The following ZNF333 variants were observed in gnomAD, a reference collection of about 807,000 sequenced individuals.
ZNF333 encodes the protein zinc finger protein 333.
A neutral mutation model predicts 76.1 loss-of-function variants in ZNF333; 61 were observed. The observed-to-expected ratio is 0.80, with a 90% CI of 0.65 to 0.99. The LOEUF (loss-of-function observed/expected upper bound fraction) is 0.99, where lower values mean the gene tolerates loss of function less well. ZNF333 is among the 50% of genes least tolerant of loss of function. The pLI is 0.00. For missense variants in ZNF333, 717 were observed against 822.4 expected, an observed-to-expected ratio of 0.87 and a Z score of 1.57; for synonymous variants, 284 against 305.0, an observed-to-expected ratio of 0.93 and a Z score of 0.72.
At chr19:14,714,481 C>T (rs536283465) in intron 7 of ZNF333, among the ~76,000 whole-genome samples, 3 of 152,300 alleles carry the variant, frequency 2.0e-5, no homozygotes, top group East Asian at 3.9e-4. Flanking sequence ...CTTCTCAGAG[C>T]GTCAGAGGAG....
intron 5 of ZNF333, chr19:14,701,555 T>C: frequency 1.0e-6 from 1 of 985,154 alleles, no homozygotes. Context: ...GTTCCCATCC[T>C]CCACCTCCAT....
chr19:14,706,874 C>A, intron 7 of ZNF333, 101 bp downstream of exon 7: 1 of 984,816 alleles, frequency 1.0e-6, no homozygotes, highest in Non-Finnish European at 1.5e-6. Flanking sequence ...CCTCTGACTG[C>A]AGGCACTGCC....
chr19:14,699,155 ATTTC>A, intron 4 of ZNF333, 40 bp from the exon 5 acceptor site: 1 of 1,438,322 alleles, frequency 7.0e-7, no homozygotes, highest in Non-Finnish European at 9.8e-7. Context: ...TAATGTCACT[ATTTC>A]TTTCTGAAAG....
At chr19:14,697,971 A>C (rs2146958249) in intron 4 of ZNF333, among the ~76,000 whole-genome samples, 1 of 152,216 alleles carries the variant, frequency 6.6e-6, no homozygotes, top group East Asian at 1.9e-4. Context: ...GTCCTCATAG[A>C]ATTCTTAGCT....
intron 6 of ZNF333, 195 bp from the exon 7 acceptor site, chr19:14,706,491 C>A (rs906005062): frequency 1.5e-5 from 9 of 594,768 alleles, no homozygotes; most frequent in Non-Finnish European, 2.1e-5. Flanking sequence ...TCTCTCCAGG[C>A]CATTTTGGAT....
chr19:14,720,671 A>G lies in ZNF333; in HGVS notation c.*1346A>G, dbSNP rs977291817. On this transcript the variant is annotated 3_prime_UTR_variant, in exon 12 of 12. Transcript: ENST00000292530. ...ATAATTCCTAACTGATGCACTTAGTATATGTCAGTTTTTATAAATGCTTCA... is the reference window on the plus strand; with the variant it reads ...ATAATTCCTAACTGATGCACTTAGTGTATGTCAGTTTTTATAAATGCTTCA... 1 of 985,274 alleles carries G rather than the reference A, an allele frequency of 1.0e-6. No homozygotes were observed. The highest frequency in any genetic ancestry group is 1.1e-4 in the East Asian group (1 of 8,830). 61.0% of individuals were successfully genotyped at this position (985,274 alleles called of 1,614,324 possible).
chr19:14,718,076 T>C (rs549763133), intron 11 of ZNF333, 152 bp from the exon 12 acceptor site: 1 of 1,101,136 alleles, frequency 9.1e-7, no homozygotes, highest in Non-Finnish European at 1.3e-6. Flanking sequence ...CCTATTCCAC[T>C]TGAAGGAACT....
downstream of ZNF333, among the ~76,000 whole-genome samples, chr19:14,726,860 C>T (rs2042635806): frequency 6.6e-6 from 1 of 152,138 alleles, no homozygotes; most frequent in African/African-American, 2.4e-5. Flanking sequence ...TCCAAACTTT[C>T]TCTCATATTC....
intron 5 of ZNF333, 164 bp downstream of exon 5, chr19:14,699,445 A>C: frequency 1.7e-6 from 1 of 602,034 alleles, no homozygotes; most frequent in Non-Finnish European, 2.9e-6. Flanking sequence ...ATTTGGGCAA[A>C]CCCAGACTGT....
chr19:14,718,527 G>T lies in ZNF333; in HGVS notation c.1200G>T (p.Gly400=). 1 of 1,614,186 alleles carries T rather than the reference G, an allele frequency of 6.2e-7. No homozygotes were observed. Among genetic ancestry groups the T allele is most frequent in the Non-Finnish European group, 8.5e-7 (1 of 1,180,036 alleles). Residue 400 remains glycine (G), a synonymous_variant, in exon 12 of 12, where the codon GGG becomes GGT. Transcript: ENST00000292530. The part of the protein sequence containing the change: ...AEKCFDCQEC[G]QAFKYSSNLR... ...AGTGCTTTGACTGTCAAGAATGTGG[G>T]CAAGCCTTCAAATATTCCTCGAATC...
intron 4 of ZNF333, among the ~76,000 whole-genome samples, chr19:14,698,920 ATATATATATATAT>A (rs1194534174): frequency 7.9e-6 from 1 of 126,950 alleles, no homozygotes; most frequent in African/African-American, 2.7e-5. Flanking sequence ...ATATATATAT[ATATATATATATAT>A]ATACACACAT....
intron 5 of ZNF333, among the ~76,000 whole-genome samples, chr19:14,702,975 C>CA (rs2042001407): frequency 6.6e-6 from 1 of 152,076 alleles, no homozygotes; most frequent in East Asian, 1.9e-4. Context: ...GAGGCCGAGG[C>CA]GGGCGGATCA....
At chr19:14,729,199 A>T (rs907967239) in intron 11 of ZNF333, among the ~76,000 whole-genome samples, 1 of 152,154 alleles carries the variant, frequency 6.6e-6, no homozygotes, top group Non-Finnish European at 1.5e-5. Context: ...CGAGAGATTC[A>T]TTGCATCCTA....
intron 4 of ZNF333, 88 bp downstream of exon 4, chr19:14,695,749 T>TGAAAA: frequency 8.7e-7 from 1 of 1,153,684 alleles, no homozygotes; most frequent in Non-Finnish European, 1.3e-6. Context: ...CAAAGGCCCT[T>TGAAAA]TGTTCTGAGG....
At chr19:14,717,790 ACCGT>A in intron 11 of ZNF333, 57 bp downstream of exon 11, 1 of 1,553,410 alleles carries the variant, frequency 6.4e-7, no homozygotes. Context: ...TCTGGGGTTA[ACCGT>A]AAGTTAGAAA....
At position 14,718,344 on chromosome 19, in the gene ZNF333, A is replaced by G. The variant is rs147761269; in HGVS notation, c.1017A>G (p.Glu339=). The part of the protein sequence containing the change: ...QRIHAGEASC[E]CQEIRNSFFQ... ...TTCATGCTGGAGAGGCATCCTGTGA[A>G]TGTCAAGAGATTAGAAATTCCTTCT... The change falls in exon 12 of 12, where the codon GAA becomes GAG. Residue 339 remains glutamate (E), a synonymous_variant. Coordinates refer to ENST00000292530, the MANE Select transcript of ZNF333 (RefSeq NM_032433.4). 24 of 1,614,102 alleles carry G rather than the reference A, an allele frequency of 1.5e-5. No individual in the cohort carries two copies. Among genetic ancestry groups the G allele is most frequent in the Non-Finnish European group, 1.9e-5 (23 of 1,180,044 alleles).
At chr19:14,695,253 A>C (rs1454786710) in intron 3 of ZNF333, 120 bp downstream of exon 3, 1 of 1,371,662 alleles carries the variant, frequency 7.3e-7, no homozygotes, top group African/African-American at 1.5e-5. Context: ...CCACAGGATG[A>C]CAAAGCTTCA....
chr19:14,692,934 T>C (rs1167155975), intron 1 of ZNF333, among the ~76,000 whole-genome samples: 2 of 151,280 alleles, frequency 1.3e-5, no homozygotes, highest in Non-Finnish European at 2.9e-5. Context: ...GCAACTCTAC[T>C]GCCTCAGCCT....
chr19:14,726,474 C>T (rs11671118), downstream of ZNF333, among the ~76,000 whole-genome samples: 54,001 of 152,038 alleles, frequency 0.36, 10,140 homozygotes, highest in East Asian at 0.58. Context: ...TCCTTCTTTA[C>T]CGCATGGCCA....
Sources: allele counts gnomAD v4.1 joint callset (sites outside exome capture counted in the v4.1 genomes callset), GRCh38; gene constraint gnomAD v4.1.1; transcripts MANE v1.5; gene names NCBI Gene and HGNC (gene_info 2026-07-23, HGNC 2026-07-21).